The following MCUB variants were observed in gnomAD, a reference collection of about 807,000 sequenced individuals.
MCUB encodes calcium uniporter regulatory subunit MCUb, mitochondrial.
Under a neutral mutation model 41.4 loss-of-function variants are expected in MCUB, and 46 were observed. The observed-to-expected ratio is 1.11, with a 90% CI of 0.88 to 1.42. The LOEUF (loss-of-function observed/expected upper bound fraction) is 1.42, where lower values mean the gene tolerates loss of function less well. MCUB is among the 40% of genes most tolerant of loss of function. The probability of loss-of-function intolerance (pLI) is 0.00; values close to 1 mark genes in which losing one functional copy is unlikely to be tolerated. For synonymous variants in MCUB, 148 were observed against 148.2 expected, an observed-to-expected ratio of 1.00 and a Z score of 0.01; for missense variants, 403 against 404.9, an observed-to-expected ratio of 1.00 and a Z score of 0.04.
chr4:109,644,129 A>G (rs754241256), intron 1 of MCUB, among the ~76,000 whole-genome samples: 53 of 152,220 alleles, frequency 3.5e-4, no homozygotes, highest in Non-Finnish European at 3.1e-4. Flanking sequence ...AGGCTTTGTT[A>G]GAAAAGTTAT....
intron 1 of MCUB, among the ~76,000 whole-genome samples, chr4:109,622,009 G>A (rs926378958): frequency 6.6e-6 from 1 of 152,102 alleles, no homozygotes; most frequent in Non-Finnish European, 1.5e-5. Context: ...AACCTCCCAA[G>A]TAGCTGGGAT....
At chr4:109,609,071 CT>C (rs1727944202) in intron 1 of MCUB, among the ~76,000 whole-genome samples, 1 of 93,044 alleles carries the variant, frequency 1.1e-5, no homozygotes, top group Non-Finnish European at 2.9e-5. Context: ...TGGGATCTCT[CT>C]CTCTCTCTCT....
intron 1 of MCUB, among the ~76,000 whole-genome samples, chr4:109,562,914 G>A (rs1323699120): frequency 3.9e-5 from 6 of 152,210 alleles, no homozygotes; most frequent in Non-Finnish European, 8.8e-5. Flanking sequence ...TGGATATACA[G>A]AATTGTTTTT....
intron 1 of MCUB, among the ~76,000 whole-genome samples, chr4:109,637,683 A>G (rs561125060): frequency 6.6e-6 from 1 of 152,330 alleles, no homozygotes; most frequent in Admixed American, 6.5e-5. Flanking sequence ...TCTCATTCAT[A>G]AGTGGGAGCT....
intron 1 of MCUB, among the ~76,000 whole-genome samples, chr4:109,622,149 T>C (rs1728262129): frequency 6.6e-6 from 1 of 152,210 alleles, no homozygotes. Flanking sequence ...CCCAAAGTGC[T>C]GGGATTACAG....
At chr4:109,619,030 G>GCCTGCCTGCCTACCTACCTA (rs1554017841) in intron 1 of MCUB, among the ~76,000 whole-genome samples, 3 of 118,706 alleles carry the variant, frequency 2.5e-5, no homozygotes, top group East Asian at 2.6e-4. Flanking sequence ...CTACCTGCCT[G>GCCTGCCTGCCTACCTACCTA]CCTACCTACC....
chr4:109,670,232 A>G (rs1729424989), intron 4 of MCUB, among the ~76,000 whole-genome samples: 1 of 151,860 alleles, frequency 6.6e-6, no homozygotes. Context: ...GTGAGCCTGT[A>G]CCCCTGGACT....
intron 1 of MCUB, among the ~76,000 whole-genome samples, chr4:109,585,440 C>T (rs976470558): frequency 6.6e-6 from 1 of 152,070 alleles, no homozygotes. Context: ...GGCATTTAGC[C>T]CTTTTACATT....
intron 1 of MCUB, among the ~76,000 whole-genome samples, chr4:109,561,270 C>T (rs994166312): frequency 5.9e-5 from 9 of 152,180 alleles, no homozygotes; most frequent in African/African-American, 2.2e-4. Flanking sequence ...GTTCCTCCCC[C>T]ACACTGTTAA....
chr4:109,581,249 T>G (rs182860614), intron 1 of MCUB, among the ~76,000 whole-genome samples: 50 of 152,320 alleles, frequency 3.3e-4, no homozygotes, highest in Admixed American at 1.6e-3. Context: ...CTATCTGTTC[T>G]TTGACAAACC....
rs752851425 is a variant in MCUB at position 109,656,354 on chromosome 4, C to CT, written c.100-2619dup. On this transcript the variant is annotated intron_variant, in intron 1 of 7. Coordinates refer to ENST00000394650, the MANE Select transcript of MCUB (RefSeq NM_017918.5). ...GAGGGGCTCTAACTTTTACTCTCTA[C>CT]TTTTTTTTTTTTTTTTTTTTTTTTT... is the stretch of plus-strand genomic sequence containing the variant. Among the ~76,000 whole-genome samples the CT allele has an allele frequency of 7.3e-3, 455 of 62,102 alleles. 86 individuals are homozygous for CT. Among genetic ancestry groups the CT allele is most frequent in the Admixed American group, 0.01 (40 of 3,834 alleles). 40.7% of individuals were successfully genotyped at this position (62,102 alleles called of 152,430 possible). A position where few individuals can be genotyped will look rare whatever the true frequency, so the allele number is the denominator to read the frequency against.
At chr4:109,583,727 GAT>G (rs1332197184) in intron 1 of MCUB, among the ~76,000 whole-genome samples, 1 of 152,128 alleles carries the variant, frequency 6.6e-6, no homozygotes, top group Non-Finnish European at 1.5e-5. Context: ...ATTATTTTGA[GAT>G]ACATCTCATC....
intron 1 of MCUB, among the ~76,000 whole-genome samples, chr4:109,591,127 C>G (rs1727426920): frequency 6.6e-6 from 1 of 152,116 alleles, no homozygotes; most frequent in African/African-American, 2.4e-5. Context: ...TACTGCACAG[C>G]TGCCACTTTG....
chr4:109,636,097 T>A (rs61236558), intron 1 of MCUB, among the ~76,000 whole-genome samples: 27,880 of 152,118 alleles, frequency 0.18, 3,846 homozygotes, highest in African/African-American at 0.39. Flanking sequence ...CGGGACTGGG[T>A]ATCTAACTGA....
chr4:109,568,949 G>C (rs959410040), intron 1 of MCUB, among the ~76,000 whole-genome samples: 2 of 152,236 alleles, frequency 1.3e-5, no homozygotes, highest in Admixed American at 1.3e-4. Context: ...GGGAAAACCT[G>C]AAGCATTCTT....
At chr4:109,606,164 C>T (rs978428918) in intron 1 of MCUB, among the ~76,000 whole-genome samples, 17 of 151,906 alleles carry the variant, frequency 1.1e-4, no homozygotes, top group Admixed American at 2.6e-4. Context: ...TTAGTAGAGA[C>T]GGGGTTTCAC....
chr4:109,612,267 T>C (rs962863723), intron 1 of MCUB, among the ~76,000 whole-genome samples: 15 of 144,984 alleles, frequency 1.0e-4, no homozygotes, highest in Admixed American at 2.7e-4. Context: ...CCTTTTCTTT[T>C]TTTTTTTTTT....
intron 6 of MCUB, 21 bp from the exon 7 acceptor site, chr4:109,685,228 TTC>T (rs201871696): frequency 1.8e-5 from 17 of 931,786 alleles, no homozygotes; most frequent in Admixed American, 3.9e-5. Context: ...TGTTGTTTTC[TTC>T]TCTCTCTCTT....
At chr4:109,622,337 G>C (rs1728266358) in intron 1 of MCUB, among the ~76,000 whole-genome samples, 1 of 152,184 alleles carries the variant, frequency 6.6e-6, no homozygotes, top group South Asian at 2.1e-4. Context: ...GTAACCTGTA[G>C]TGTATATTTG....
Sources: gnomAD v4.1 joint callset for allele counts (sites outside exome capture counted in the v4.1 genomes callset) on GRCh38, gnomAD v4.1.1 for gene constraint, MANE v1.5 for transcripts, NCBI Gene and HGNC (gene_info 2026-07-23, HGNC 2026-07-21) for gene names.